The following UGT1A9 variants were observed in gnomAD, a reference collection of about 807,000 sequenced individuals.
UGT1A9 encodes the protein UDP-glucuronosyltransferase 1A9.
A neutral mutation model predicts 45.0 loss-of-function variants in UGT1A9; 35 were observed. That is an observed-to-expected ratio of 0.78 (90% confidence interval 0.59 to 1.03). UGT1A9 has a LOEUF of 1.03. Ranked by LOEUF, UGT1A9 falls within the 50% of genes least tolerant of loss-of-function variation. The pLI is 0.00. For synonymous variants in UGT1A9, 278 were observed against 250.6 expected (o/e 1.11, Z -1.03); for missense variants, 687 against 666.6 (o/e 1.03, Z -0.34).
Position 233,768,428 on chromosome 2 carries a change from C to T in UGT1A9, c.1284C>T (p.Ile428=), listed in dbSNP as rs1559415864. The T allele has an allele frequency of 6.2e-7, 1 of 1,613,856 alleles. No homozygotes were observed. Among genetic ancestry groups the T allele is most frequent in the Non-Finnish European group, 8.5e-7 (1 of 1,179,916 alleles). ...TAGAAAATGCTCTAAAAGCAGTCATCAATGACAAAAGGTAAGAAAGAAGAT... is the reference window on the plus strand; with the variant it reads ...TAGAAAATGCTCTAAAAGCAGTCATTAATGACAAAAGGTAAGAAAGAAGAT... ...EDLENALKAV[I]NDKSYKENIM... is the part of the protein sequence containing the mutation. The change falls in exon 4 of 5, where the codon ATC becomes ATT. Residue 428 remains isoleucine, a synonymous_variant. Coordinates refer to ENST00000354728, the MANE Select transcript of UGT1A9 (RefSeq NM_021027.3).
intron 1 of UGT1A9, among the ~76,000 whole-genome samples, chr2:233,735,969 A>C (rs1327406953): frequency 2.0e-5 from 3 of 152,092 alleles, no homozygotes; most frequent in Admixed American, 2.0e-4. Context: ...AACTTTGGTG[A>C]ATCTGACAAT....
At chr2:233,725,472 G>A (rs2125714310) in intron 1 of UGT1A9, among the ~76,000 whole-genome samples, 1 of 152,100 alleles carries the variant, frequency 6.6e-6, no homozygotes, top group East Asian at 1.9e-4. Context: ...TAGTGGGCAT[G>A]TTAGAAACCA....
At chr2:233,726,846 T>A (rs970892928) in intron 1 of UGT1A9, among the ~76,000 whole-genome samples, 3 of 152,320 alleles carry the variant, frequency 2.0e-5, no homozygotes, top group Admixed American at 6.5e-5. Flanking sequence ...TTTTTGTTCC[T>A]TTTCTCCATA....
At chr2:233,682,601 T>A in intron 1 of UGT1A9, 1 of 1,613,932 alleles carries the variant, frequency 6.2e-7, no homozygotes, top group Non-Finnish European at 8.5e-7. Context: ...ATTTTGCCCC[T>A]ATTTTTTCAA....
In UGT1A9 at chr2:233,680,430, G is replaced by A. The variant is rs1470427697; in HGVS notation, c.855+7641G>A. Among the ~76,000 whole-genome samples the A allele has an allele frequency of 2.0e-5, 3 of 152,186 alleles. No homozygotes were observed. The East Asian group carries it at 5.8e-4, about 29-fold the overall frequency. ...CAAAATTATTATAGTAGTGTAGTAT[G>A]TACTAGAGGAAAGTGACTAAGCAAA... On this transcript the variant is annotated intron_variant, in intron 1 of 4. Transcript: ENST00000354728.
intron 1 of UGT1A9, among the ~76,000 whole-genome samples, chr2:233,674,342 A>C (rs2074281026): frequency 6.6e-6 from 1 of 152,198 alleles, no homozygotes; most frequent in African/African-American, 2.4e-5. Context: ...AATGGCAGAA[A>C]TCTAAGAGGT....
chr2:233,719,279 C>T lies in UGT1A9; in HGVS notation c.855+46490C>T, dbSNP rs371816622. On this transcript the variant is annotated intron_variant, in intron 1 of 4. Transcript: ENST00000354728. ...CCTTTGATGTGGTTTTAACAGACCCCGTTAACCTCTGTGGGGCGGTGCTGG... is the reference window on the plus strand; with the variant it reads ...CCTTTGATGTGGTTTTAACAGACCCTGTTAACCTCTGTGGGGCGGTGCTGG... 6.4e-5 allele frequency: 103 copies of T among 1,614,078 alleles called. 1 individual carries two copies. In the African/African-American group the frequency reaches 1.0e-3, roughly 16 times the overall value.
chr2:233,713,140 A>G (rs759679762), intron 1 of UGT1A9: 1 of 1,614,108 alleles, frequency 6.2e-7, no homozygotes, highest in South Asian at 1.1e-5. Context: ...GCCTTGCGGG[A>G]CCTCCATGCG....
intron 1 of UGT1A9, among the ~76,000 whole-genome samples, chr2:233,696,871 T>C (rs1200790521): frequency 6.6e-6 from 1 of 152,242 alleles, no homozygotes; most frequent in Non-Finnish European, 1.5e-5. Context: ...TTTCAGCATC[T>C]ACAACATATG....
intron 1 of UGT1A9, among the ~76,000 whole-genome samples, chr2:233,749,817 TTCTC>T (rs1694278787): frequency 1.3e-5 from 2 of 151,900 alleles, no homozygotes; most frequent in Non-Finnish European, 2.9e-5. Flanking sequence ...CTCTTCCTCT[TTCTC>T]TCTTTCATGT....
chr2:233,764,019 G>A (rs970114557), intron 1 of UGT1A9, among the ~76,000 whole-genome samples: 1 of 152,200 alleles, frequency 6.6e-6, no homozygotes, highest in Non-Finnish European at 1.5e-5. Context: ...CCCACATGGT[G>A]TCTAAGTGCT....
intron 1 of UGT1A9, among the ~76,000 whole-genome samples, chr2:233,759,797 C>T (rs1216409236): frequency 1.3e-5 from 2 of 152,262 alleles, no homozygotes; most frequent in East Asian, 3.9e-4. Flanking sequence ...ACACATGATA[C>T]AAGTGAGCAG....
At position 233,729,852 on chromosome 2, in the gene UGT1A9, G is replaced by A. The variant is rs774381589; in HGVS notation, c.856-37182G>A. On this transcript the variant is annotated intron_variant, in intron 1 of 4. Transcript: ENST00000354728. ...TTGCCTCTGAGCTTTTTCAGAGAGAGGTGTCAGTGGTGGATATTCTCAGTC... is the reference window on the plus strand; with the variant it reads ...TTGCCTCTGAGCTTTTTCAGAGAGAAGTGTCAGTGGTGGATATTCTCAGTC... The A allele has an allele frequency of 4.3e-6, 7 of 1,613,776 alleles. No homozygotes were observed. In the African/African-American group the frequency reaches 9.3e-5, roughly 22 times the overall value.
At chr2:233,732,721 G>C (rs2078305544) in intron 1 of UGT1A9, among the ~76,000 whole-genome samples, 1 of 147,538 alleles carries the variant, frequency 6.8e-6, no homozygotes, top group South Asian at 2.1e-4. Context: ...TTGTAGTACA[G>C]TTTGAAGTCA....
At chr2:233,715,665 G>A (rs1198946801) in intron 1 of UGT1A9, among the ~76,000 whole-genome samples, 6 of 152,076 alleles carry the variant, frequency 3.9e-5, no homozygotes, top group Non-Finnish European at 7.4e-5. Context: ...CCAGCTACTC[G>A]GGAGGCTGAG....
chr2:233,713,711 G>T (rs1407251042), intron 1 of UGT1A9: 1 of 1,613,928 alleles, frequency 6.2e-7, no homozygotes, highest in East Asian at 2.2e-5. Context: ...AGCTTTTTCA[G>T]AGAGAGGTGT....
intron 1 of UGT1A9, among the ~76,000 whole-genome samples, chr2:233,683,303 T>C (rs779874112): frequency 2.6e-5 from 4 of 152,174 alleles, no homozygotes; most frequent in Non-Finnish European, 1.5e-5. Context: ...TACAGGTCAA[T>C]GCATACAGAT....
At chr2:233,729,547 C>T in intron 1 of UGT1A9, 2 of 1,614,168 alleles carry the variant, frequency 1.2e-6, no homozygotes, top group Non-Finnish European at 1.7e-6. Context: ...GATCAGGCAC[C>T]TGAATGCTAC....
At chr2:233,738,810 A>G (rs1410873326) in intron 1 of UGT1A9, 1 of 152,272 alleles carries the variant, frequency 6.6e-6, no homozygotes. Flanking sequence ...CTAGCTAAAG[A>G]AATTTGAATA....
Sources: allele counts gnomAD v4.1 joint callset (sites outside exome capture counted in the v4.1 genomes callset), GRCh38; gene constraint gnomAD v4.1.1; transcripts MANE v1.5; gene names NCBI Gene and HGNC (gene_info 2026-07-23, HGNC 2026-07-21).